Variants in FGF1 observed in about 807,000 individuals in gnomAD.
The protein encoded by FGF1 is fibroblast growth factor 1.
FGF1 carries 9 observed loss-of-function variants against 13.4 expected under a neutral mutation model. That is an observed-to-expected ratio of 0.67 (90% CI 0.40 to 1.17). FGF1 has a LOEUF of 1.17. Ranked by LOEUF, FGF1 falls within the 50% of genes most tolerant of loss-of-function variation. The probability of loss-of-function intolerance (pLI) is 0.01; values close to 1 mark genes in which losing one functional copy is unlikely to be tolerated. For missense variants in FGF1, 156 were observed against 192.7 expected (o/e 0.81, Z 1.13); for synonymous variants, 93 against 79.0 (o/e 1.18, Z -0.94).
At chr5:142,681,947 T>C (rs968556942) in intron 1 of FGF1, among the ~76,000 whole-genome samples, 2 of 152,174 alleles carry the variant, frequency 1.3e-5, no homozygotes, top group African/African-American at 4.8e-5. Flanking sequence ...CATGTCTGAG[T>C]GCGCGTACAT....
intron 2 of FGF1, among the ~76,000 whole-genome samples, chr5:142,697,229 G>C (rs773187777): frequency 4.6e-5 from 7 of 152,180 alleles, no homozygotes; most frequent in Non-Finnish European, 1.0e-4. Context: ...CAAAGAATCA[G>C]CTGGCATCCT....
At chr5:142,648,869 G>C (rs371436490) in intron 1 of FGF1, among the ~76,000 whole-genome samples, 1 of 151,980 alleles carries the variant, frequency 6.6e-6, no homozygotes, top group South Asian at 2.1e-4. Flanking sequence ...GGAAGAGGTC[G>C]GAGAGAATCA....
At chr5:142,667,105 C>A (rs1449905609) in intron 1 of FGF1, among the ~76,000 whole-genome samples, 9 of 151,640 alleles carry the variant, frequency 5.9e-5, no homozygotes, top group Non-Finnish European at 1.2e-4. Context: ...TATGGTAAAA[C>A]CCCGTCTCTA....
intron 1 of FGF1, among the ~76,000 whole-genome samples, chr5:142,635,516 A>C (rs1192171692): frequency 6.6e-6 from 1 of 152,188 alleles, no homozygotes; most frequent in African/African-American, 2.4e-5. Context: ...TGCATGTCCG[A>C]AGTCAAGCTT....
intron 1 of FGF1, among the ~76,000 whole-genome samples, chr5:142,647,130 A>G (rs1199581420): frequency 6.6e-6 from 1 of 152,198 alleles, no homozygotes; most frequent in Admixed American, 6.5e-5. Context: ...AATTTGGCAT[A>G]TCGATTATTT....
At chr5:142,651,694 G>C (rs1222348835) in intron 1 of FGF1, among the ~76,000 whole-genome samples, 1 of 152,048 alleles carries the variant, frequency 6.6e-6, no homozygotes, top group African/African-American at 2.4e-5. Flanking sequence ...TATTTTTACT[G>C]CCTCCATAGT....
rs905936706 is a variant in FGF1 at position 142,592,720 on chromosome 5, T to C, written c.*2570A>G. 9 of 348,682 alleles carry C rather than the reference T, an allele frequency of 2.6e-5. No homozygotes were observed. Among genetic ancestry groups the C allele is most frequent in the African/African-American group, 1.3e-4 (6 of 47,458 alleles). The allele number at this position is 348,682 out of a possible 1,614,324, so 21.6% of individuals were successfully genotyped here. A position where few individuals can be genotyped will look rare whatever the true frequency, so the allele number is the denominator to read the frequency against. On this transcript the variant is annotated 3_prime_UTR_variant, in exon 4 of 4. Coordinates refer to ENST00000337706, the MANE Select transcript of FGF1 (RefSeq NM_000800.5). ...TTGGCTGATTTGAAAGCAGTCCCCCTGAAGCTGACCCGGTTCTAAAGTTGA... is the reference window on the plus strand; with the variant it reads ...TTGGCTGATTTGAAAGCAGTCCCCCCGAAGCTGACCCGGTTCTAAAGTTGA...
chr5:142,620,323 G>C (rs1761301374), intron 1 of FGF1, among the ~76,000 whole-genome samples: 1 of 151,958 alleles, frequency 6.6e-6, no homozygotes, highest in Non-Finnish European at 1.5e-5. Flanking sequence ...GAGGCTGAGG[G>C]AGGAAAATGG....
At chr5:142,633,658 C>T (rs147942038) in intron 1 of FGF1, among the ~76,000 whole-genome samples, 3 of 152,304 alleles carry the variant, frequency 2.0e-5, no homozygotes, top group South Asian at 2.1e-4. Flanking sequence ...CCCAGGCTCA[C>T]GGGGAGCAGA....
intron 1 of FGF1, chr5:142,644,422 T>A (rs1357408724): frequency 1.3e-5 from 2 of 151,170 alleles, no homozygotes; most frequent in Admixed American, 1.3e-4. Context: ...ACCCGCCCCC[T>A]CATTCCCCAC....
intron 1 of FGF1, among the ~76,000 whole-genome samples, chr5:142,649,382 A>T (rs1766783691): frequency 6.6e-6 from 1 of 150,840 alleles, no homozygotes; most frequent in Non-Finnish European, 1.5e-5. Context: ...CCTACCTTGC[A>T]TTTATGTATA....
chr5:142,661,820 G>A (rs1007244281), intron 1 of FGF1, among the ~76,000 whole-genome samples: 3 of 152,088 alleles, frequency 2.0e-5, no homozygotes, highest in East Asian at 1.9e-4. Flanking sequence ...TGGCTAACAC[G>A]ATGAAACCCC....
intron 1 of FGF1, among the ~76,000 whole-genome samples, chr5:142,619,169 C>T (rs166087): frequency 0.71 from 107,640 of 151,312 alleles, 39,618 homozygotes; most frequent in African/African-American, 0.91. Context: ...CTCCTGACCT[C>T]GTGATCCACC....
chr5:142,655,812 G>T (rs1768042231), intron 1 of FGF1, among the ~76,000 whole-genome samples: 2 of 152,200 alleles, frequency 1.3e-5, no homozygotes, highest in African/African-American at 2.4e-5. Context: ...CTGAAAACCC[G>T]ACTTATCCTG....
chr5:142,679,322 C>A (rs1773272646), intron 1 of FGF1, among the ~76,000 whole-genome samples: 1 of 152,174 alleles, frequency 6.6e-6, no homozygotes, highest in African/African-American at 2.4e-5. Context: ...ATTCTGCCCT[C>A]ACCAGTTGAA....
chr5:142,618,113 C>T (rs999744885), intron 1 of FGF1, among the ~76,000 whole-genome samples: 1 of 152,168 alleles, frequency 6.6e-6, no homozygotes, highest in Non-Finnish European at 1.5e-5. Context: ...TCAAGCCCAG[C>T]GAACTCCGTG....
chr5:142,660,880 A>C (rs1769094691), intron 1 of FGF1, among the ~76,000 whole-genome samples: 1 of 152,088 alleles, frequency 6.6e-6, no homozygotes. Context: ...TTGGTGGTTG[A>C]GCCAGCTGTC....
intron 1 of FGF1, among the ~76,000 whole-genome samples, chr5:142,637,604 C>A (rs1727748916): frequency 6.6e-6 from 1 of 152,016 alleles, no homozygotes; most frequent in Non-Finnish European, 1.5e-5. Flanking sequence ...CAGGTGTGAG[C>A]CACCATGCCC....
At chr5:142,607,350 C>T (rs562134695) in intron 2 of FGF1, among the ~76,000 whole-genome samples, 2 of 152,276 alleles carry the variant, frequency 1.3e-5, no homozygotes, top group African/African-American at 2.4e-5. Flanking sequence ...TTATCCCATA[C>T]GGGGATCTAG....
Sources: gnomAD v4.1 joint callset for allele counts (sites outside exome capture counted in the v4.1 genomes callset) on GRCh38, gnomAD v4.1.1 for gene constraint, MANE v1.5 for transcripts, NCBI Gene and HGNC (gene_info 2026-07-23, HGNC 2026-07-21) for gene names.